Variants in ELP3 observed in about 807,000 individuals in gnomAD.
The protein encoded by ELP3 is elongator acetyltransferase complex subunit 3, also known as elongator complex protein 3.
Under a neutral mutation model 74.9 loss-of-function variants are expected in ELP3, and 56 were observed. The ratio of observed to expected loss-of-function variants is 0.75; its 90% confidence interval spans 0.60 to 0.93. The LOEUF is 0.93. Ranked by LOEUF, ELP3 falls within the 40% of genes least tolerant of loss-of-function variation. The pLI, the probability that ELP3 is intolerant of heterozygous loss-of-function variation, is 0.00. For missense variants in ELP3, 573 were observed against 686.5 expected (o/e 0.83, Z 1.85); for synonymous variants, 222 against 239.8 (o/e 0.93, Z 0.68).
intron 7 of ELP3, among the ~76,000 whole-genome samples, chr8:28,123,847 C>G (rs1014081912): frequency 1.3e-5 from 2 of 149,954 alleles, no homozygotes; most frequent in Admixed American, 6.7e-5. Flanking sequence ...TTACTGTTTG[C>G]CCTGTGTATT....
chr8:28,115,870 C>A (rs959695267), intron 7 of ELP3, among the ~76,000 whole-genome samples: 1 of 152,156 alleles, frequency 6.6e-6, no homozygotes. Flanking sequence ...TTCCCTACCA[C>A]CCTCAGGCTT....
intron 14 of ELP3, among the ~76,000 whole-genome samples, chr8:28,172,138 T>C (rs1814554621): frequency 2.0e-5 from 3 of 152,114 alleles, no homozygotes; most frequent in Admixed American, 1.3e-4. Flanking sequence ...CCCGGGTTCC[T>C]TCAAATTCCA....
intron 7 of ELP3, among the ~76,000 whole-genome samples, chr8:28,121,377 T>C (rs1231602183): frequency 2.0e-5 from 3 of 151,004 alleles, no homozygotes; most frequent in Admixed American, 6.6e-5. Flanking sequence ...TGGAATGCAG[T>C]GACGTGATCT....
At chr8:28,115,872 C>T (rs1463647912) in intron 7 of ELP3, among the ~76,000 whole-genome samples, 1 of 152,148 alleles carries the variant, frequency 6.6e-6, no homozygotes, top group Non-Finnish European at 1.5e-5. Flanking sequence ...CCCTACCACC[C>T]TCAGGCTTTT....
intron 7 of ELP3, among the ~76,000 whole-genome samples, chr8:28,121,442 C>A (rs1812368776): frequency 6.6e-6 from 1 of 151,584 alleles, no homozygotes; most frequent in Non-Finnish European, 1.5e-5. Flanking sequence ...GCCTCAGCCT[C>A]CCGAGTAGCT....
intron 7 of ELP3, among the ~76,000 whole-genome samples, chr8:28,121,783 C>G (rs1260449728): frequency 6.6e-6 from 1 of 152,176 alleles, no homozygotes; most frequent in Non-Finnish European, 1.5e-5. Flanking sequence ...ATGTCATCTG[C>G]AAGTACAGTG....
chr8:28,102,411 T>A (rs1403464969), intron 3 of ELP3, among the ~76,000 whole-genome samples: 1 of 152,256 alleles, frequency 6.6e-6, no homozygotes, highest in Non-Finnish European at 1.5e-5. Context: ...TTATTATTTC[T>A]TGTTTAGATT....
intron 10 of ELP3, among the ~76,000 whole-genome samples, chr8:28,143,918 G>A (rs1813337039): frequency 6.6e-6 from 1 of 152,156 alleles, no homozygotes; most frequent in Non-Finnish European, 1.5e-5. Context: ...TTTCCAAAGG[G>A]ATTATACCAG....
intron 7 of ELP3, among the ~76,000 whole-genome samples, chr8:28,114,478 G>C (rs1010034097): frequency 2.0e-5 from 3 of 152,092 alleles, no homozygotes; most frequent in African/African-American, 7.2e-5. Context: ...GAAGGTGAAG[G>C]GGAGCCAGTA....
At chr8:28,155,900 A>G in intron 10 of ELP3, 42 bp from the exon 11 acceptor site, 1 of 1,514,326 alleles carries the variant, frequency 6.6e-7, no homozygotes, top group African/African-American at 1.4e-5. Context: ...GTGGAGAATG[A>G]TTTCTATTTT....
intron 6 of ELP3, among the ~76,000 whole-genome samples, chr8:28,111,155 G>T (rs1043439030): frequency 6.6e-6 from 1 of 152,166 alleles, no homozygotes; most frequent in Non-Finnish European, 1.5e-5. Flanking sequence ...ACTAGTCGGG[G>T]TATGGCATTG....
intron 7 of ELP3, among the ~76,000 whole-genome samples, chr8:28,116,427 A>T (rs558938770): frequency 6.6e-6 from 1 of 152,162 alleles, no homozygotes; most frequent in African/African-American, 2.4e-5. Flanking sequence ...TGGCGACTGC[A>T]TTGTTACTGC....
Position 28,110,537 on chromosome 8 carries a change from A to G in ELP3, c.462+99A>G, listed in dbSNP as rs987893325. ...AAATTGAACCTGAAATAAGAATGAA[A>G]AAGGTGTTTTTCCTCTTTGTAAGTT... On this transcript the variant is annotated intron_variant, in intron 6 of 14. Transcript: ENST00000256398. 1.2e-5 allele frequency: 13 copies of G among 1,099,970 alleles called. No homozygotes were observed. The East Asian group carries it at 3.2e-4, about 27-fold the overall frequency. 68.1% of individuals were successfully genotyped at this position (1,099,970 alleles called of 1,614,324 possible). A position where few individuals can be genotyped will look rare whatever the true frequency, so the allele number is the denominator to read the frequency against.
intron 7 of ELP3, among the ~76,000 whole-genome samples, chr8:28,113,491 T>C (rs1370795565): frequency 3.2e-5 from 1 of 31,442 alleles, no homozygotes; most frequent in African/African-American, 4.4e-4. Context: ...AGAAGGGGGC[T>C]GGGAGTATTT....
At position 28,155,921 on chromosome 8, in the gene ELP3, A is replaced by G. The variant is rs142534142; in HGVS notation, c.1101-21A>G. Reference sequence around the variant, plus strand: ...AATGATTTCTATTTTGCAACAGCTTATGTTTTTCTCCTGTGTACAGGGATA... The same window carrying G: ...AATGATTTCTATTTTGCAACAGCTTGTGTTTTTCTCCTGTGTACAGGGATA... On this transcript the variant is annotated intron_variant, in intron 10 of 14. Transcript: ENST00000256398. The G allele has an allele frequency of 2.4e-5, 38 of 1,586,668 alleles. No homozygotes were observed. The East Asian group carries it at 7.8e-4, about 33-fold the overall frequency.
At chr8:28,121,393 C>T (rs938938891) in intron 7 of ELP3, among the ~76,000 whole-genome samples, 1 of 149,308 alleles carries the variant, frequency 6.7e-6, no homozygotes, top group African/African-American at 2.5e-5. Flanking sequence ...GATCTCAGCT[C>T]ACTGCAACCT....
chr8:28,133,119 G>A (rs965660781), intron 9 of ELP3, among the ~76,000 whole-genome samples: 1 of 151,996 alleles, frequency 6.6e-6, no homozygotes, highest in Admixed American at 6.6e-5. Context: ...ATGCACATAT[G>A]TACATATATT....
At chr8:28,189,575 C>G (rs1361747061) in intron 14 of ELP3, 74 bp from the exon 15 acceptor site, 1 of 1,448,742 alleles carries the variant, frequency 6.9e-7, no homozygotes, top group African/African-American at 1.4e-5. Flanking sequence ...GAGTGTAAGG[C>G]TGAGGGAAGC....
chr8:28,137,535 A>G (rs992526668), intron 9 of ELP3, among the ~76,000 whole-genome samples, 163 bp from the exon 10 acceptor site: 7 of 152,188 alleles, frequency 4.6e-5, no homozygotes, highest in African/African-American at 1.7e-4. Flanking sequence ...GAGACTACAG[A>G]AACAAGGAGT....
Sources: allele counts gnomAD v4.1 joint callset (sites outside exome capture counted in the v4.1 genomes callset), GRCh38; gene constraint gnomAD v4.1.1; transcripts MANE v1.5; gene names NCBI Gene and HGNC (gene_info 2026-07-23, HGNC 2026-07-21).